STMN1: variants seen among roughly 807,000 people sequenced by gnomAD.
The protein encoded by STMN1 is stathmin 1.
In STMN1, 3 loss-of-function variants were observed where a neutral mutation model predicts 19.7. The ratio of observed to expected loss-of-function variants is 0.15; its 90% CI spans 0.07 to 0.39. The LOEUF is 0.39. Among genes scored for constraint, STMN1 ranks in the 10% least tolerant of loss-of-function variants. The pLI is 1.00. For missense variants in STMN1, 99 were observed against 176.0 expected (o/e 0.56, Z 2.48); for synonymous variants, 59 against 58.9 (o/e 1.00, Z -0.01).
intron 3 of STMN1, chr1:25,903,355 A>G: frequency 3.1e-6 from 1 of 318,128 alleles, no homozygotes; most frequent in Non-Finnish European, 5.9e-6. Context: ...TCTGACCCCA[A>G]CACTTACTAG....
At chr1:25,898,059 C>G (rs2048835149), downstream of STMN1, among the ~76,000 whole-genome samples, 1 of 152,162 alleles carries the variant, frequency 6.6e-6, no homozygotes, top group Non-Finnish European at 1.5e-5. Context: ...TCAACTCACC[C>G]TGCCTCCACT....
intron 1 of STMN1, chr1:25,905,744 C>T (rs930189449): frequency 7.2e-5 from 11 of 152,376 alleles, no homozygotes; most frequent in Admixed American, 4.6e-4. Flanking sequence ...TCCAGGCCGC[C>T]GCCACCACCC....
chr1:25,905,447 G>A (rs2124260150), intron 1 of STMN1: 1 of 152,378 alleles, frequency 6.6e-6, no homozygotes, highest in Non-Finnish European at 1.5e-5. Flanking sequence ...TTTAAGAAAA[G>A]CAGAGAATTA....
At position 25,901,034 on chromosome 1, in the gene STMN1, G is replaced by A. The variant is rs777282396; in HGVS notation, c.432C>T (p.Asp144=). Residue 144 remains aspartate (D), a synonymous_variant, in exon 5 of 5, where the codon GAC becomes GAT. Coordinates refer to ENST00000455785, the MANE Select transcript of STMN1 (RefSeq NM_005563.4). ...RKNKESKDPA[D]ETEAD ...GAACAAATTAGTCAGCTTCAGTCTC[G>A]TCAGCAGGGTCTTTGGATTCTTTGT... 1.9e-5 allele frequency: 31 copies of A among 1,611,178 alleles called. No homozygotes were observed. Among genetic ancestry groups the A allele is most frequent in the Non-Finnish European group, 2.2e-5 (26 of 1,179,272 alleles).
At chr1:25,905,353 CTT>C (rs2048926716) in intron 1 of STMN1, 1 of 152,212 alleles carries the variant, frequency 6.6e-6, no homozygotes, top group South Asian at 2.1e-4. Context: ...AACATTATGA[CTT>C]TTGTAGACGC....
At chr1:25,901,199 A>G in intron 4 of STMN1, 112 bp from the exon 5 acceptor site, 1 of 1,520,414 alleles carries the variant, frequency 6.6e-7, no homozygotes, top group East Asian at 2.3e-5. Context: ...ACCTCAGTGC[A>G]TATATTACAG....
intron 4 of STMN1, chr1:25,892,623 C>T (rs960924376): frequency 9.5e-5 from 94 of 984,804 alleles, no homozygotes; most frequent in Middle Eastern, 5.2e-4. Flanking sequence ...TCTAAACAAC[C>T]GCCTCCCTAC....
intron 1 of STMN1, 88 bp from the exon 2 acceptor site, chr1:25,904,826 A>G: frequency 1.2e-6 from 1 of 854,628 alleles, no homozygotes; most frequent in South Asian, 2.3e-5. Context: ...ACATCTACAT[A>G]CATCGTCAGA....
At position 25,901,076 on chromosome 1, in the gene STMN1, A is replaced by G. The variant is rs1422804335; in HGVS notation, c.390T>C (p.Ile130=). ...ATTCTTTGTTCTTCCGCACTTCTTC[A>G]ATGTGCTTATCCTGTAAAGGAAGGG... ...LERLREKDKH[I]EEVRKNKESK... The change falls in exon 5 of 5, where the codon ATT becomes ATC. Residue 130 remains isoleucine (I), a synonymous_variant. Coordinates refer to ENST00000455785, the MANE Select transcript of STMN1 (RefSeq NM_005563.4). The G allele has an allele frequency of 6.2e-7, 1 of 1,611,976 alleles. No individual in the cohort carries two copies. The highest frequency in any genetic ancestry group is 1.3e-5 in the African/African-American group (1 of 74,300).
intron 4 of STMN1, 30 bp from the exon 5 acceptor site, chr1:25,901,117 C>CACAAAAA: frequency 8.3e-7 from 1 of 1,201,880 alleles, no homozygotes. Context: ...TGTCATCAGT[C>CACAAAAA]AAAAAAAAAA....
At chr1:25,893,373 G>A (rs1236592916) in intron 4 of STMN1, among the ~76,000 whole-genome samples, 1 of 152,054 alleles carries the variant, frequency 6.6e-6, no homozygotes, top group African/African-American at 2.4e-5. Context: ...CCTCTCAGGA[G>A]ACCTTCTAAG....
At chr1:25,897,656 AGAGGGGAATTGTTCCGGGCAAC>A (rs988797021), downstream of STMN1, among the ~76,000 whole-genome samples, 47 of 152,160 alleles carry the variant, frequency 3.1e-4, no homozygotes, top group African/African-American at 9.9e-4. Context: ...GGTCTGAGGC[AGAGGGGAATTGTTCCGGGCAAC>A]GAGGGGATGC....
rs985088603 is a variant in STMN1 at position 25,903,937 on chromosome 1, GT to G, written c.14-125del. 3.2e-5 allele frequency: 33 copies of G among 1,033,294 alleles called. 1 individual carries two copies. The South Asian group carries it at 3.2e-4, about 10-fold the overall frequency. 64.0% of individuals were successfully genotyped at this position (1,033,294 alleles called of 1,614,324 possible). A position where few individuals can be genotyped will look rare whatever the true frequency, so the allele number is the denominator to read the frequency against. On this transcript the variant is annotated intron_variant, in intron 2 of 4. Transcript: ENST00000455785. The stretch of plus-strand genomic sequence containing the variant: ...AACTAGGGCTGATGAGGAAAGTTGT[GT>G]TTTTTTTCCCCTTTTTATTCCTATC...
chr1:25,889,662 C>T (rs1185214061), intron 4 of STMN1, among the ~76,000 whole-genome samples: 2 of 152,178 alleles, frequency 1.3e-5, no homozygotes, highest in African/African-American at 4.8e-5. Flanking sequence ...CTCTCCTTAC[C>T]GTCCATTCTC....
intron 4 of STMN1, among the ~76,000 whole-genome samples, chr1:25,894,663 AAGAG>A (rs1171630319): frequency 2.0e-5 from 3 of 151,228 alleles, no homozygotes; most frequent in South Asian, 2.1e-4. Context: ...CTGGGTGACA[AAGAG>A]AGAGACCCTG....
chr1:25,904,516 T>C, intron 2 of STMN1, 148 bp downstream of exon 2: 1 of 689,640 alleles, frequency 1.5e-6, no homozygotes, highest in Non-Finnish European at 2.5e-6. Context: ...ATTCAAGTGA[T>C]AATCATTTTT....
chr1:25,894,220 C>T (rs1398674354), intron 4 of STMN1, among the ~76,000 whole-genome samples: 2 of 152,178 alleles, frequency 1.3e-5, no homozygotes, highest in Non-Finnish European at 2.9e-5. Flanking sequence ...TCAGTGGGAT[C>T]TCCTGTGCAG....
Position 25,901,092 on chromosome 1 carries a change from AAAGG to A in STMN1, c.379-9_379-6del, listed in dbSNP as rs1557483387. On this transcript the variant is annotated splice_polypyrimidine_tract_variant and splice_region_variant and intron_variant, in intron 4 of 4. Coordinates refer to ENST00000455785, the MANE Select transcript of STMN1 (RefSeq NM_005563.4). ...CACTTCTTCAATGTGCTTATCCTGT[AAAGG>A]AAGGGTAAGGTGTCATCAGTCAAAA... 1 of 1,606,352 alleles carries A rather than the reference AAAGG, an allele frequency of 6.2e-7. No homozygotes were observed. The highest frequency in any genetic ancestry group is 8.5e-7 in the Non-Finnish European group (1 of 1,175,314).
chr1:25,893,742 T>C (rs2048796093), intron 4 of STMN1, among the ~76,000 whole-genome samples: 1 of 152,204 alleles, frequency 6.6e-6, no homozygotes, highest in African/African-American at 2.4e-5. Flanking sequence ...GGTTTCACCA[T>C]GTTGGCCAAG....
Sources: allele counts gnomAD v4.1 joint callset (sites outside exome capture counted in the v4.1 genomes callset), GRCh38; gene constraint gnomAD v4.1.1; transcripts MANE v1.5; gene names NCBI Gene and HGNC (gene_info 2026-07-23, HGNC 2026-07-21).